Variants in INSL6 observed in about 807,000 individuals in gnomAD.
INSL6 encodes the protein insulin like 6, also known as insulin-like peptide INSL6.
Under a neutral mutation model 9.4 loss-of-function variants are expected in INSL6, and 16 were observed. The ratio of observed to expected loss-of-function variants is 1.70; its 90% CI spans 1.15 to 2.59. The LOEUF (loss-of-function observed/expected upper bound fraction) is 2.59, where lower values mean the gene tolerates loss of function less well. Ranked by LOEUF, INSL6 falls within the 30% of genes most tolerant of loss-of-function variation. The pLI, the probability that INSL6 is intolerant of heterozygous loss-of-function variation, is 0.00. For missense variants in INSL6, 391 were observed against 257.3 expected, an observed-to-expected ratio of 1.52 and a Z score of -3.56; for synonymous variants, 154 against 96.9, an observed-to-expected ratio of 1.59 and a Z score of -3.46.
At chr9:5,014,253 C>G in the INSL6 span, among the ~76,000 whole-genome samples, 1 of 150,862 alleles carries the variant, frequency 6.6e-6, no homozygotes, top group Non-Finnish European at 1.5e-5. Context: ...ATCCTCTCAC[C>G]TTGGCTTCCC....
the INSL6 span, chr9:5,054,846 A>G: frequency 6.2e-7 from 1 of 1,609,774 alleles, no homozygotes; most frequent in South Asian, 1.1e-5. The surrounding 1 kb of genome is among the most constrained non-coding windows in gnomAD (Gnocchi z 4.9). Context: ...TCAGTGGTCA[A>G]GAGGGAAACA....
the INSL6 span, among the ~76,000 whole-genome samples, chr9:5,102,441 G>A: frequency 6.6e-6 from 1 of 152,302 alleles, no homozygotes; most frequent in East Asian, 1.9e-4. Context: ...GTGACGGGGA[G>A]AATGGAACCA....
the INSL6 span, among the ~76,000 whole-genome samples, chr9:5,116,566 A>G: frequency 6.6e-6 from 1 of 152,216 alleles, no homozygotes; most frequent in Non-Finnish European, 1.5e-5. Context: ...GTTAAATAAA[A>G]TTAGCTGGCA....
chr9:5,042,133 T>C, the INSL6 span, among the ~76,000 whole-genome samples: 20 of 134,840 alleles, frequency 1.5e-4, no homozygotes, highest in Non-Finnish European at 2.7e-4. Context: ...TCTTTTTTTT[T>C]TTTTTTTTTT....
At chr9:5,173,441 G>T (rs557334660) in intron 1 of INSL6, among the ~76,000 whole-genome samples, 1 of 152,304 alleles carries the variant, frequency 6.6e-6, no homozygotes, top group African/African-American at 2.4e-5. Flanking sequence ...AAAAAGGAAT[G>T]AGATCATGTC....
At chr9:5,031,551 TATCAGATAAATTATAGATTGATTAAAG>T in the INSL6 span, among the ~76,000 whole-genome samples, 1 of 152,204 alleles carries the variant, frequency 6.6e-6, no homozygotes, top group Non-Finnish European at 1.5e-5. Flanking sequence ...TTATAATGTA[TATCAGATAAATTATAGATTGATTAAAG>T]ATCAGATTGA....
At chr9:5,016,248 T>C in the INSL6 span, among the ~76,000 whole-genome samples, 389 of 152,322 alleles carry the variant, frequency 2.6e-3, 2 homozygotes, top group East Asian at 0.029. Flanking sequence ...GCCTTGTGAC[T>C]GACTGGATCT....
chr9:5,052,376 G>A, the INSL6 span, among the ~76,000 whole-genome samples: 1 of 151,862 alleles, frequency 6.6e-6, no homozygotes, highest in Non-Finnish European at 1.5e-5. Flanking sequence ...TCTTAGCCAG[G>A]ATATAAACAC....
the INSL6 span, chr9:5,111,850 A>C: frequency 5.0e-6 from 2 of 399,704 alleles, no homozygotes; most frequent in Non-Finnish European, 9.8e-6. Context: ...CGGGGCCGAC[A>C]ACCTCCTGGG....
the INSL6 span, among the ~76,000 whole-genome samples, chr9:5,049,778 A>G: frequency 3.9e-5 from 6 of 152,226 alleles, no homozygotes; most frequent in African/African-American, 9.6e-5. Flanking sequence ...ATACAAACCT[A>G]TATGTTATAG....
chr9:4,996,406 C>T, the INSL6 span, among the ~76,000 whole-genome samples: 1 of 151,904 alleles, frequency 6.6e-6, no homozygotes, highest in East Asian at 1.9e-4. Context: ...TGAGATCGTG[C>T]CATTGCACTC....
At chr9:5,122,942 G>A, downstream of INSL6, 1 of 990,518 alleles carries the variant, frequency 1.0e-6, no homozygotes, top group Non-Finnish European at 1.5e-6. Context: ...ATGATTTGCA[G>A]GTAAAATCAA....
the INSL6 span, among the ~76,000 whole-genome samples, chr9:5,025,580 C>G: frequency 6.7e-6 from 1 of 148,466 alleles, no homozygotes; most frequent in East Asian, 2.0e-4. Context: ...GTTGCCCAGG[C>G]TGGAGTGCAG....
chr9:5,009,419 C>T, the INSL6 span, among the ~76,000 whole-genome samples: 14 of 151,722 alleles, frequency 9.2e-5, no homozygotes, highest in African/African-American at 2.9e-4. Context: ...CCCAGGCTGT[C>T]TTCATTACTA....
chr9:5,133,894 C>T (rs1824339535), intron 2 of INSL6, among the ~76,000 whole-genome samples: 1 of 150,562 alleles, frequency 6.6e-6, no homozygotes, highest in African/African-American at 2.5e-5. Flanking sequence ...ATTACAAACT[C>T]CTCTGAGCTA....
At chr9:5,016,179 A>G in the INSL6 span, among the ~76,000 whole-genome samples, 1 of 152,216 alleles carries the variant, frequency 6.6e-6, no homozygotes, top group South Asian at 2.1e-4. Context: ...ATAAGTTGCA[A>G]GCTTAGGAAG....
the INSL6 span, among the ~76,000 whole-genome samples, chr9:5,013,519 C>CTA: frequency 2.0e-5 from 3 of 152,210 alleles, no homozygotes; most frequent in Non-Finnish European, 4.4e-5. Flanking sequence ...AGTTGAGAAG[C>CTA]ACTGACCTAT....
downstream of INSL6, among the ~76,000 whole-genome samples, chr9:5,121,903 A>G (rs1018898781): frequency 7.9e-5 from 12 of 152,172 alleles, no homozygotes; most frequent in Non-Finnish European, 1.3e-4. Flanking sequence ...GCAAGGAGTG[A>G]GGGAATAGTG....
At chr9:5,172,433 T>A (rs747280537) in intron 1 of INSL6, among the ~76,000 whole-genome samples, 6 of 152,086 alleles carry the variant, frequency 3.9e-5, no homozygotes, top group Non-Finnish European at 8.8e-5. Context: ...CCAAAAGCAA[T>A]TGCAACAAAA....
Sources: allele counts gnomAD v4.1 joint callset (sites outside exome capture counted in the v4.1 genomes callset), GRCh38; gene constraint gnomAD v4.1.1; non-coding constraint Gnocchi (gnomAD v3.1); transcripts MANE v1.5; gene names NCBI Gene and HGNC (gene_info 2026-07-23, HGNC 2026-07-21).